Variants in HERC2 observed in about 807,000 individuals in gnomAD.
HERC2 encodes HECT and RLD domain containing E3 ubiquitin protein ligase 2.
HERC2 carries 102 observed loss-of-function variants against 537.7 expected under a neutral mutation model. The observed-to-expected ratio is 0.19, with a 90% confidence interval of 0.16 to 0.22. The LOEUF (loss-of-function observed/expected upper bound fraction) is 0.22. Among genes scored for constraint, HERC2 ranks in the 10% least tolerant of loss-of-function variants. The pLI is 1.00. For missense variants in HERC2, 4,236 were observed against 6,198.2 expected (o/e 0.68, Z 10.63); for synonymous variants, 2,224 against 2,466.2 (o/e 0.90, Z 2.91).
intron 55 of HERC2, among the ~76,000 whole-genome samples, chr15:28,189,710 G>A (rs8032355): frequency 0.077 from 11,698 of 152,084 alleles, 1,552 homozygotes; most frequent in African/African-American, 0.27. Context: ...TTGAGGTGAT[G>A]GATACATTAT....
At chr15:28,162,346 T>C (rs1453175073) in intron 69 of HERC2, among the ~76,000 whole-genome samples, 1 of 151,964 alleles carries the variant, frequency 6.6e-6, no homozygotes, top group Non-Finnish European at 1.5e-5. Context: ...AGACGAAAAC[T>C]TGGAAGAATT....
rs1337870132 is a variant in HERC2, at chr15:28,315,704, G to A, written c.72+5658C>T. 18 of 842,648 alleles carry A rather than the reference G, an allele frequency of 2.1e-5. No individual in the cohort carries two copies. In the African/African-American group the frequency reaches 2.2e-4, roughly 10 times the overall value. The allele number at this position is 842,648 out of a possible 1,614,324, so 52.2% of individuals were successfully genotyped here. ...GAAACCTCTGCGCCATGAGAGCCAA[G>A]TGGAGGAAGAAGCGAATGCGCAGGC... is the stretch of plus-strand genomic sequence containing the variant. On this transcript the variant is annotated intron_variant, in intron 2 of 92. Transcript: ENST00000261609.
At chr15:28,291,675 T>G (rs2076316524) in intron 4 of HERC2, among the ~76,000 whole-genome samples, 1 of 151,658 alleles carries the variant, frequency 6.6e-6, no homozygotes, top group African/African-American at 2.4e-5. Context: ...CTGGGCTGGA[T>G]AAAGGGAAGA....
chr15:28,274,227 G>GT, intron 7 of HERC2, 64 bp downstream of exon 7: 2 of 1,563,116 alleles, frequency 1.3e-6, no homozygotes, highest in Non-Finnish European at 1.7e-6. Flanking sequence ...AGCAAGGGTG[G>GT]TAAGAACCAG....
intron 82 of HERC2, 73 bp downstream of exon 82, chr15:28,130,430 C>T: frequency 6.3e-7 from 1 of 1,579,388 alleles, no homozygotes; most frequent in Non-Finnish European, 8.7e-7. Context: ...CATTCCCATC[C>T]ATGAAAAGGT....
chr15:28,208,293 A>G (rs1376366132), intron 44 of HERC2, among the ~76,000 whole-genome samples: 1 of 152,088 alleles, frequency 6.6e-6, no homozygotes, highest in Non-Finnish European at 1.5e-5. Flanking sequence ...TTCTCCCCTC[A>G]ATTCAAGCTT....
Position 28,189,201 on chromosome 15 carries a change from T to C in HERC2, c.8649+1764A>G, listed in dbSNP as rs140326285. The stretch of plus-strand genomic sequence containing the variant: ...CTAGTTCTTTGGTCAGCTGGGGGCA[T>C]GCAGGTTAGGTCAGGAGTTTTCCAT... On this transcript the variant is annotated intron_variant, in intron 55 of 92. Coordinates refer to ENST00000261609, the MANE Select transcript of HERC2 (RefSeq NM_004667.6). Among the ~76,000 whole-genome samples the C allele has an allele frequency of 9.3e-4, 142 of 152,354 alleles. 3 individuals carry two copies. The highest frequency in any genetic ancestry group is 3.1e-3 in the African/African-American group (130 of 41,590).
rs372545906 is a variant in HERC2, at chr15:28,260,509, C to G, written c.2316+268G>C. On this transcript the variant is annotated intron_variant, in intron 16 of 92. Coordinates refer to ENST00000261609, the MANE Select transcript of HERC2 (RefSeq NM_004667.6). ...CCTATTCAGCTTCACACTGCAAGTC[C>G]TGGCCAGGGCAATCAGGCCGGGAAA... 2.2e-4 allele frequency among the ~76,000 whole-genome samples: 33 copies of G among 152,304 alleles called. No individual in the cohort carries two copies. The East Asian group carries it at 5.6e-3, about 26-fold the overall frequency.
At chr15:28,199,444 A>G (rs1303491153) in intron 48 of HERC2, among the ~76,000 whole-genome samples, 2 of 152,374 alleles carry the variant, frequency 1.3e-5, no homozygotes, top group African/African-American at 2.4e-5. Flanking sequence ...ATCTTTATAC[A>G]TATCAGAACA....
chr15:28,307,465 T>C (rs757008280), intron 2 of HERC2, among the ~76,000 whole-genome samples: 11 of 152,224 alleles, frequency 7.2e-5, no homozygotes, highest in Admixed American at 1.3e-4. Context: ...TTAGGTTATT[T>C]ATTTGAAGTT....
chr15:28,115,346 T>G, intron 89 of HERC2, 83 bp downstream of exon 89: 1 of 869,840 alleles, frequency 1.1e-6, no homozygotes, highest in South Asian at 1.7e-5. Context: ...TAGGCCAGAG[T>G]TCACAGCCTG....
intron 86 of HERC2, among the ~76,000 whole-genome samples, chr15:28,118,995 C>T (rs1191270779): frequency 6.6e-6 from 1 of 152,134 alleles, no homozygotes; most frequent in Non-Finnish European, 1.5e-5. Flanking sequence ...ACACCACGCA[C>T]GGTGGCTCAC....
chr15:28,146,213 C>A, intron 71 of HERC2, 24 bp downstream of exon 71: 1 of 1,527,420 alleles, frequency 6.5e-7, no homozygotes, highest in Non-Finnish European at 9.1e-7. Context: ...GTAGATCATG[C>A]CCTGCTCAAC....
At chr15:28,138,283 T>G (rs193059156) in intron 78 of HERC2, among the ~76,000 whole-genome samples, 287 of 152,304 alleles carry the variant, frequency 1.9e-3, no homozygotes, top group South Asian at 4.1e-3. Context: ...GCTTTCAACG[T>G]AGATGGAACA....
At chr15:28,274,203 C>A (rs2075811324) in intron 7 of HERC2, 88 bp downstream of exon 7, 4 of 1,398,934 alleles carry the variant, frequency 2.9e-6, no homozygotes, top group Non-Finnish European at 9.8e-7. Flanking sequence ...ACCTACTAGG[C>A]TTCTTAGCTC....
rs544495098 is a variant in HERC2 at position 28,210,483 on chromosome 15, G to A, written c.7069+519C>T. Among the ~76,000 whole-genome samples, 341 of 152,134 alleles carry A rather than the reference G, an allele frequency of 2.2e-3. 4 individuals are homozygous for A. Among genetic ancestry groups the A allele is most frequent in the African/African-American group, 3.0e-3 (125 of 41,472 alleles). Reference sequence around the variant, plus strand: ...GCCTTTTCGTGTGATAAAGTCCCACGGAATGACTTGCTGGGCCAAAGTATA... The same window carrying A: ...GCCTTTTCGTGTGATAAAGTCCCACAGAATGACTTGCTGGGCCAAAGTATA... On this transcript the variant is annotated intron_variant, in intron 44 of 92. Coordinates refer to ENST00000261609, the MANE Select transcript of HERC2 (RefSeq NM_004667.6).
At chr15:28,125,249 G>C (rs2142111665) in intron 83 of HERC2, 56 bp from the exon 84 acceptor site, 49 of 1,416,618 alleles carry the variant, frequency 3.5e-5, no homozygotes, top group Non-Finnish European at 7.9e-6. Context: ...CAAACGCATG[G>C]CTGCCAGTGT....
intron 45 of HERC2, among the ~76,000 whole-genome samples, chr15:28,205,493 G>A (rs1350235360): frequency 8.5e-6 from 1 of 118,072 alleles, no homozygotes; most frequent in African/African-American, 3.6e-5. Flanking sequence ...TTTCCAGCTC[G>A]TTCTAGGACT....
chr15:28,214,016 G>A, intron 41 of HERC2, 44 bp from the exon 42 acceptor site: 1 of 1,609,600 alleles, frequency 6.2e-7, no homozygotes, highest in African/African-American at 1.3e-5. Flanking sequence ...CACTCACGGA[G>A]CTGCCCAATC....
Sources: allele counts gnomAD v4.1 joint callset (sites outside exome capture counted in the v4.1 genomes callset), GRCh38; gene constraint gnomAD v4.1.1; transcripts MANE v1.5; gene names NCBI Gene and HGNC (gene_info 2026-07-23, HGNC 2026-07-21).